LARP4B: variants seen among roughly 807,000 people sequenced by gnomAD.
LARP4B encodes La ribonucleoprotein 4B.
A neutral mutation model predicts 89.8 loss-of-function variants in LARP4B; 12 were observed. That is an observed-to-expected ratio of 0.13 (90% CI 0.09 to 0.22). The LOEUF (loss-of-function observed/expected upper bound fraction) is 0.22. Among genes scored for constraint, LARP4B ranks in the 10% least tolerant of loss-of-function variants. The pLI is 1.00. For missense variants in LARP4B, 757 were observed against 947.7 expected (o/e 0.80, Z 2.64); for synonymous variants, 367 against 363.3 (o/e 1.01, Z -0.12).
chr10:959,326 G>GCAATCCCACCTCCTCAT, the LARP4B span, among the ~76,000 whole-genome samples: 5,074 of 147,464 alleles, frequency 0.034, 266 homozygotes, highest in African/African-American at 0.086. Context: ...TGCTGGTTCA[G>GCAATCCCACCTCCTCAT]CAATCCCACC....
the LARP4B span, among the ~76,000 whole-genome samples, chr10:940,239 A>T: frequency 1.3e-5 from 2 of 151,030 alleles, no homozygotes; most frequent in African/African-American, 4.9e-5. Context: ...CTGGTCTCAA[A>T]CTCTTGACCT....
intron 5 of LARP4B, among the ~76,000 whole-genome samples, chr10:848,906 A>G (rs771881782): frequency 1.3e-5 from 2 of 152,134 alleles, no homozygotes; most frequent in Non-Finnish European, 2.9e-5. Context: ...TACAGTTTCA[A>G]TCTCTTTTAA....
the LARP4B span, among the ~76,000 whole-genome samples, chr10:982,221 G>C: frequency 1.4e-5 from 2 of 146,800 alleles, no homozygotes; most frequent in South Asian, 4.3e-4. Flanking sequence ...CAATTTTCCT[G>C]CTTCAGCCTA....
chr10:837,128 G>A (rs1031359973), intron 7 of LARP4B, among the ~76,000 whole-genome samples: 3 of 152,092 alleles, frequency 2.0e-5, no homozygotes, highest in Non-Finnish European at 2.9e-5. Flanking sequence ...AGATAACAAC[G>A]GAATATTATG....
At chr10:981,917 G>T in the LARP4B span, among the ~76,000 whole-genome samples, 1 of 152,150 alleles carries the variant, frequency 6.6e-6, no homozygotes, top group East Asian at 1.9e-4. Flanking sequence ...CCATGTAAAA[G>T]AAATGGCACT....
chr10:887,161 A>G (rs991889115), intron 1 of LARP4B, among the ~76,000 whole-genome samples: 4 of 152,166 alleles, frequency 2.6e-5, no homozygotes, highest in African/African-American at 9.7e-5. Flanking sequence ...GAAGAGATCA[A>G]TGTCAAAGGG....
Position 814,589 on chromosome 10 carries a change from T to C in LARP4B, c.1929+153A>G. On this transcript the variant is annotated intron_variant, in intron 17 of 17. Transcript: ENST00000316157. The surrounding 1 kb of genome is among the most constrained non-coding windows in gnomAD (Gnocchi z 4.4). ...GAAAATTATTAGCAAATATTAAAGGTATTTTGTACAGAAAACACAACACAG... is the reference window on the plus strand; with the variant it reads ...GAAAATTATTAGCAAATATTAAAGGCATTTTGTACAGAAAACACAACACAG... 1 of 1,500,184 alleles carries C rather than the reference T, an allele frequency of 6.7e-7. No individual in the cohort carries two copies. Among genetic ancestry groups the C allele is most frequent in the South Asian group, 1.2e-5 (1 of 82,160 alleles). 92.9% of individuals were successfully genotyped at this position (1,500,184 alleles called of 1,614,324 possible). A position where few individuals can be genotyped will look rare whatever the true frequency, so the allele number is the denominator to read the frequency against.
the LARP4B span, among the ~76,000 whole-genome samples, chr10:983,724 G>C: frequency 6.6e-6 from 1 of 152,090 alleles, no homozygotes; most frequent in African/African-American, 2.4e-5. Flanking sequence ...CTTAACACTG[G>C]GAGACAGGGC....
rs1296825553 is a variant in LARP4B, at chr10:812,888, AAC to A, written c.*36_*37del. On this transcript the variant is annotated 3_prime_UTR_variant, in exon 18 of 18. Coordinates refer to ENST00000316157, the MANE Select transcript of LARP4B (RefSeq NM_015155.3). ...GTGGGAGAGTGTCTCGTTTGTGGTT[AAC>A]ACAGCGCTCTGCGACCCCTCCCAGA... 1 of 1,497,186 alleles carries A rather than the reference AAC, an allele frequency of 6.7e-7. No homozygotes were observed. Among genetic ancestry groups the A allele is most frequent in the Non-Finnish European group, 8.9e-7 (1 of 1,128,064 alleles). 92.7% of individuals were successfully genotyped at this position (1,497,186 alleles called of 1,614,324 possible). A position where few individuals can be genotyped will look rare whatever the true frequency, so the allele number is the denominator to read the frequency against.
intron 1 of LARP4B, among the ~76,000 whole-genome samples, chr10:899,241 G>A (rs1024145819): frequency 2.6e-5 from 4 of 152,150 alleles, no homozygotes; most frequent in Non-Finnish European, 5.9e-5. Flanking sequence ...CTTACACGGG[G>A]ATCTTCAAGT....
intron 6 of LARP4B, 131 bp downstream of exon 6, chr10:844,846 T>G (rs1294084694): frequency 1.7e-6 from 1 of 578,962 alleles, no homozygotes; most frequent in East Asian, 3.1e-5. Flanking sequence ...TACTCAATAT[T>G]CCACGTCTTC....
At chr10:887,488 A>T (rs1240014128) in intron 1 of LARP4B, among the ~76,000 whole-genome samples, 1 of 151,884 alleles carries the variant, frequency 6.6e-6, no homozygotes, top group Non-Finnish European at 1.5e-5. Context: ...AGGCGGATGG[A>T]TCACCTGAGG....
chr10:896,579 A>G lies in LARP4B; in HGVS notation c.-39-10819T>C, dbSNP rs61699303. On this transcript the variant is annotated intron_variant, in intron 1 of 17. Coordinates refer to ENST00000316157, the MANE Select transcript of LARP4B (RefSeq NM_015155.3). The stretch of plus-strand genomic sequence containing the variant: ...TTTGGAAAATACTACTACCTTTCAT[A>G]AACAATGTTATTTATATTACCTAAT... Among the ~76,000 whole-genome samples, 473 of 152,334 alleles carry G rather than the reference A, an allele frequency of 3.1e-3. 5 individuals are homozygous for G. The highest frequency in any genetic ancestry group is 0.011 in the African/African-American group (459 of 41,568).
chr10:887,316 C>T (rs996630104), intron 1 of LARP4B, among the ~76,000 whole-genome samples: 1 of 151,412 alleles, frequency 6.6e-6, no homozygotes, highest in Admixed American at 6.6e-5. Flanking sequence ...AAGGGTAAAA[C>T]TATATGAAAT....
At position 820,469 on chromosome 10, in the gene LARP4B, C is replaced by T. The variant is rs117837251; in HGVS notation, c.1530+331G>A. ...ATGGCTCCAGTCATTTCAGACTCTC[C>T]GGTACAGCTGCCACACAGAAGAGCT... On this transcript the variant is annotated intron_variant, in intron 14 of 17. Coordinates refer to ENST00000316157, the MANE Select transcript of LARP4B (RefSeq NM_015155.3). The T allele has an allele frequency of 2.0e-3, 523 of 267,462 alleles. 13 individuals are homozygous for T. The East Asian group carries it at 0.034, about 18-fold the overall frequency. 16.6% of individuals were successfully genotyped at this position (267,462 alleles called of 1,614,324 possible).
At chr10:979,436 AG>A in the LARP4B span, among the ~76,000 whole-genome samples, 2 of 152,132 alleles carry the variant, frequency 1.3e-5, no homozygotes, top group South Asian at 4.1e-4. Context: ...TAAGGAGGAG[AG>A]ACTGCTCTGG....
chr10:831,076 C>G (rs1346319959), intron 8 of LARP4B, 99 bp from the exon 9 acceptor site: 1 of 540,188 alleles, frequency 1.9e-6, no homozygotes, highest in Admixed American at 3.7e-5. Context: ...AAGGAACTAT[C>G]CTTAAACAAA....
chr10:873,069 CCA>C (rs757610182), intron 3 of LARP4B: 38 of 985,288 alleles, frequency 3.9e-5, no homozygotes, highest in Non-Finnish European at 3.4e-5. Flanking sequence ...TCCTTTTCCT[CCA>C]CAGATTTTTG....
intron 1 of LARP4B, among the ~76,000 whole-genome samples, chr10:914,242 C>T (rs1051986337): frequency 6.6e-6 from 1 of 151,896 alleles, no homozygotes; most frequent in Admixed American, 6.6e-5. Flanking sequence ...AGTTAATATA[C>T]GTAATTAAAA....
Sources: gnomAD v4.1 joint callset for allele counts (sites outside exome capture counted in the v4.1 genomes callset) on GRCh38, gnomAD v4.1.1 for gene constraint, Gnocchi (gnomAD v3.1) non-coding constraint, MANE v1.5 for transcripts, NCBI Gene and HGNC (gene_info 2026-07-23, HGNC 2026-07-21) for gene names.